Variants in GPR39 observed in about 807,000 individuals in gnomAD.
GPR39 encodes zinc sensing receptor.
In GPR39, 23 loss-of-function variants were observed where a neutral mutation model predicts 18.4. That is an observed-to-expected ratio of 1.25 (90% CI 0.90 to 1.77). The LOEUF is 1.77. Ranked by LOEUF, GPR39 falls within the 40% of genes most tolerant of loss-of-function variation. The pLI is 0.00. For synonymous variants in GPR39, 280 were observed against 257.9 expected (o/e 1.09, Z -0.82); for missense variants, 647 against 602.4 (o/e 1.07, Z -0.78).
chr2:132,604,176 A>G (rs557116208), intron 1 of GPR39, among the ~76,000 whole-genome samples: 19 of 152,054 alleles, frequency 1.2e-4, no homozygotes, highest in African/African-American at 4.3e-4. Flanking sequence ...AGTTCTGTAC[A>G]CCACTTCACA....
At chr2:132,428,041 G>A (rs1057271533) in intron 1 of GPR39, among the ~76,000 whole-genome samples, 16 of 150,802 alleles carry the variant, frequency 1.1e-4, no homozygotes, top group African/African-American at 3.9e-4. Context: ...ACCCTTGATA[G>A]GGGTGACAAA....
At chr2:132,518,273 T>C (rs2104764508) in intron 1 of GPR39, among the ~76,000 whole-genome samples, 1 of 152,326 alleles carries the variant, frequency 6.6e-6, no homozygotes, top group South Asian at 2.1e-4. Flanking sequence ...TTGTGAAGGA[T>C]CAAGGTGTTA....
chr2:132,469,398 C>G (rs1680988694), intron 1 of GPR39, among the ~76,000 whole-genome samples: 2 of 152,122 alleles, frequency 1.3e-5, no homozygotes, highest in Admixed American at 1.3e-4. Flanking sequence ...AATTGTTATC[C>G]TTGGGAGTGT....
At chr2:132,443,703 G>T (rs906404341) in intron 1 of GPR39, among the ~76,000 whole-genome samples, 2 of 152,184 alleles carry the variant, frequency 1.3e-5, no homozygotes, top group African/African-American at 4.8e-5. Context: ...CATGTACAAT[G>T]ATTAGTCAAT....
intron 1 of GPR39, among the ~76,000 whole-genome samples, chr2:132,463,547 G>T (rs1397627037): frequency 6.6e-6 from 1 of 151,778 alleles, no homozygotes; most frequent in Non-Finnish European, 1.5e-5. Flanking sequence ...TTGGTCTAGA[G>T]TCAGGGAAAT....
intron 1 of GPR39, among the ~76,000 whole-genome samples, chr2:132,511,933 C>G (rs183700045): frequency 1.3e-5 from 2 of 152,250 alleles, no homozygotes; most frequent in East Asian, 3.9e-4. Context: ...GAAAAGTGCA[C>G]GAACTCATGG....
At chr2:132,452,467 CTGTT>C (rs138746441) in intron 1 of GPR39, among the ~76,000 whole-genome samples, 3,191 of 151,728 alleles carry the variant, frequency 0.021, 102 homozygotes, top group African/African-American at 0.073. Flanking sequence ...TCTTTCCTTT[CTGTT>C]TCTTTCTGTA....
chr2:132,521,922 G>T (rs937829244), intron 1 of GPR39, among the ~76,000 whole-genome samples: 3 of 151,996 alleles, frequency 2.0e-5, no homozygotes. Context: ...TCCAATAATT[G>T]TGAACATTAA....
intron 1 of GPR39, among the ~76,000 whole-genome samples, chr2:132,497,994 C>T (rs1681679934): frequency 6.6e-6 from 1 of 152,194 alleles, no homozygotes; most frequent in Non-Finnish European, 1.5e-5. Context: ...GAATCTGCAT[C>T]ATCTTAGGCT....
chr2:132,532,721 A>G (rs1257133455), intron 1 of GPR39, among the ~76,000 whole-genome samples: 3 of 152,248 alleles, frequency 2.0e-5, no homozygotes, highest in African/African-American at 7.2e-5. Flanking sequence ...AATCCGGCAT[A>G]TAAACAGAAC....
intron 1 of GPR39, among the ~76,000 whole-genome samples, chr2:132,492,819 T>C (rs1020032158): frequency 7.0e-6 from 1 of 142,136 alleles, no homozygotes; most frequent in Non-Finnish European, 1.5e-5. Flanking sequence ...ATACATACCA[T>C]ATATATACCA....
chr2:132,582,925 T>C (rs893150681), intron 1 of GPR39, among the ~76,000 whole-genome samples: 3 of 148,952 alleles, frequency 2.0e-5, no homozygotes, highest in South Asian at 2.1e-4. Flanking sequence ...CTTTTTTTTT[T>C]TTTTTTTTTT....
chr2:132,509,685 C>T (rs1383352396), intron 1 of GPR39, among the ~76,000 whole-genome samples: 2 of 152,182 alleles, frequency 1.3e-5, no homozygotes, highest in African/African-American at 4.8e-5. Context: ...CCCTGCCTCA[C>T]AGAACTGGCT....
chr2:132,464,528 A>G lies in GPR39; in HGVS notation c.856+46630A>G, dbSNP rs1573614905. Among the ~76,000 whole-genome samples the G allele has an allele frequency of 2.0e-5, 3 of 152,206 alleles. No homozygotes were observed. The South Asian group carries it at 6.2e-4, about 32-fold the overall frequency. On this transcript the variant is annotated intron_variant, in intron 1 of 1. Transcript: ENST00000329321. ...TTAGACAAATGGTATCCATGAGAGA[A>G]GCCCACATTAAAAACCTTCAGCACT...
chr2:132,474,777 T>C (rs898794636), intron 1 of GPR39, among the ~76,000 whole-genome samples: 1 of 152,220 alleles, frequency 6.6e-6, no homozygotes, highest in African/African-American at 2.4e-5. Context: ...TTATTGCCTT[T>C]AGATTAAGGA....
chr2:132,616,792 G>T (rs1421817634), intron 1 of GPR39, among the ~76,000 whole-genome samples: 1 of 152,126 alleles, frequency 6.6e-6, no homozygotes. Context: ...CTTTCCCAGA[G>T]AATTCTGTTT....
chr2:132,499,325 C>G (rs1049487057), intron 1 of GPR39, among the ~76,000 whole-genome samples: 6 of 152,086 alleles, frequency 3.9e-5, no homozygotes, highest in Non-Finnish European at 5.9e-5. Context: ...TGTCTTTTCC[C>G]CACTTTATGT....
chr2:132,504,546 C>A (rs1679101141), intron 1 of GPR39, among the ~76,000 whole-genome samples: 1 of 152,158 alleles, frequency 6.6e-6, no homozygotes, highest in Non-Finnish European at 1.5e-5. Flanking sequence ...TTCCTGTGGA[C>A]ACCCTTCAAT....
intron 1 of GPR39, among the ~76,000 whole-genome samples, chr2:132,468,951 T>TGGCTTCCAACCAGAGAATGTTGCC (rs1397637339): frequency 2.6e-5 from 4 of 152,238 alleles, no homozygotes; most frequent in Admixed American, 1.3e-4. Flanking sequence ...ACAATGTTGC[T>TGGCTTCCAACCAGAGAATGTTGCC]GGCTTCCAAC....
Sources: gnomAD v4.1 joint callset for allele counts (sites outside exome capture counted in the v4.1 genomes callset) on GRCh38, gnomAD v4.1.1 for gene constraint, MANE v1.5 for transcripts, NCBI Gene and HGNC (gene_info 2026-07-23, HGNC 2026-07-21) for gene names.